LDLRAD4: variants seen among roughly 807,000 people sequenced by gnomAD.
LDLRAD4 encodes the protein low density lipoprotein receptor class A domain containing 4, also known as low-density lipoprotein receptor class A domain-containing protein 4.
LDLRAD4 carries 5 observed loss-of-function variants against 17.0 expected under a neutral mutation model. That is an observed-to-expected ratio of 0.29 (90% CI 0.15 to 0.62). The LOEUF (loss-of-function observed/expected upper bound fraction) is 0.62, where lower values mean the gene tolerates loss of function less well. Among genes scored for constraint, LDLRAD4 ranks in the 20% least tolerant of loss-of-function variants. The probability of loss-of-function intolerance (pLI) is 0.84; values close to 1 mark genes in which losing one functional copy is unlikely to be tolerated. For missense variants in LDLRAD4, 340 were observed against 424.7 expected, an observed-to-expected ratio of 0.80 and a Z score of 1.75; for synonymous variants, 168 against 171.8, an observed-to-expected ratio of 0.98 and a Z score of 0.17.
intron 2 of LDLRAD4, among the ~76,000 whole-genome samples, chr18:13,391,392 C>T (rs868066995): frequency 1.3e-5 from 2 of 152,072 alleles, no homozygotes; most frequent in African/African-American, 4.8e-5. Context: ...TTGGAAGGCC[C>T]CTGTCCCCAT....
intron 1 of LDLRAD4, among the ~76,000 whole-genome samples, chr18:13,234,474 C>G (rs369349159): frequency 1.4e-4 from 21 of 148,866 alleles, no homozygotes; most frequent in African/African-American, 5.2e-4. Context: ...GTTGAATAAA[C>G]AGATGGACTG....
At chr18:13,396,009 G>A (rs1242346246) in intron 2 of LDLRAD4, among the ~76,000 whole-genome samples, 1 of 152,142 alleles carries the variant, frequency 6.6e-6, no homozygotes, top group East Asian at 1.9e-4. Flanking sequence ...CAAGTCCCGG[G>A]TCTCTGTGTT....
intron 1 of LDLRAD4, among the ~76,000 whole-genome samples, chr18:13,290,306 A>T (rs1002314367): frequency 7.9e-5 from 12 of 152,222 alleles, no homozygotes; most frequent in African/African-American, 2.7e-4. Flanking sequence ...TTACATACCT[A>T]AAATGTTTGG....
intron 3 of LDLRAD4, among the ~76,000 whole-genome samples, chr18:13,595,935 C>A (rs1220573975): frequency 3.3e-5 from 5 of 152,116 alleles, no homozygotes; most frequent in African/African-American, 1.2e-4. Flanking sequence ...GATCCTCTGC[C>A]TTGTTGTTTT....
chr18:13,281,125 A>G (rs926036951), intron 1 of LDLRAD4, among the ~76,000 whole-genome samples: 1 of 152,212 alleles, frequency 6.6e-6, no homozygotes, highest in African/African-American at 2.4e-5. Flanking sequence ...AAACAAAAAG[A>G]ATTGGAATCC....
intron 3 of LDLRAD4, among the ~76,000 whole-genome samples, chr18:13,616,622 C>A (rs545118081): frequency 6.6e-6 from 1 of 152,296 alleles, no homozygotes; most frequent in Admixed American, 6.5e-5. Context: ...CACCGGCCAC[C>A]GTCACCTGCA....
intron 3 of LDLRAD4, chr18:13,543,419 T>G (rs1341472387): frequency 6.6e-6 from 1 of 152,160 alleles, no homozygotes; most frequent in Non-Finnish European, 1.5e-5. Flanking sequence ...CCTGGTGCTG[T>G]TGACTTTTGT....
At chr18:13,240,422 C>G (rs2042573476) in intron 1 of LDLRAD4, 1 of 152,340 alleles carries the variant, frequency 6.6e-6, no homozygotes, top group South Asian at 2.1e-4. Context: ...TTGCCTCTCA[C>G]ATGGCCATCC....
At chr18:13,568,117 A>C (rs2094632396) in intron 3 of LDLRAD4, among the ~76,000 whole-genome samples, 2 of 152,262 alleles carry the variant, frequency 1.3e-5, no homozygotes, top group South Asian at 4.2e-4. Flanking sequence ...CAACATGGCG[A>C]AACCTGTCTC....
At position 13,263,102 on chromosome 18, in the gene LDLRAD4, G is replaced by A. The variant is rs117239838; in HGVS notation, c.-466-15003G>A. On this transcript the variant is annotated intron_variant, in intron 1 of 5. Transcript: ENST00000399848. ...CCGAGTCCCACGCTGCTCTGTTTGC[G>A]TGGAAACTGAGTCCTGTGCGGCTCT... Among the ~76,000 whole-genome samples the A allele has an allele frequency of 1.3e-3, 193 of 148,302 alleles. 2 individuals carry two copies. In the East Asian group the frequency reaches 0.032, roughly 25 times the overall value.
At chr18:13,477,995 C>A (rs2092988821) in intron 3 of LDLRAD4, among the ~76,000 whole-genome samples, 1 of 152,234 alleles carries the variant, frequency 6.6e-6, no homozygotes, top group African/African-American at 2.4e-5. Flanking sequence ...TCTGCTCCCA[C>A]TGACTCCTTC....
chr18:13,531,326 C>T (rs2094123218), intron 3 of LDLRAD4, among the ~76,000 whole-genome samples: 1 of 151,980 alleles, frequency 6.6e-6, no homozygotes, highest in Non-Finnish European at 1.5e-5. Flanking sequence ...TGGCCGTGCG[C>T]ACTGTGTGAT....
At chr18:13,392,460 C>T (rs1365900696) in intron 2 of LDLRAD4, among the ~76,000 whole-genome samples, 1 of 152,250 alleles carries the variant, frequency 6.6e-6, no homozygotes, top group Admixed American at 6.5e-5. Context: ...AGATAAGACT[C>T]TGGCTGTCCT....
At chr18:13,437,567 G>A (rs943789026) in intron 2 of LDLRAD4, among the ~76,000 whole-genome samples, 2 of 152,200 alleles carry the variant, frequency 1.3e-5, no homozygotes. Context: ...GGCCTATAAG[G>A]ATTTGGGTAT....
chr18:13,610,835 C>A lies in LDLRAD4; in HGVS notation c.182-10282C>A, dbSNP rs188658247. On this transcript the variant is annotated intron_variant, in intron 3 of 5. Transcript: ENST00000359446. ...CTGAGGGTGACTCCCTCTTCATTCA[C>A]CCAGCAGGGTGACTCTGAGAAGTCA... is the stretch of plus-strand genomic sequence containing the variant. Among the ~76,000 whole-genome samples, 544 of 152,240 alleles carry A rather than the reference C, an allele frequency of 3.6e-3. 2 individuals are homozygous for A. Among genetic ancestry groups the A allele is most frequent in the African/African-American group, 0.012 (514 of 41,534 alleles).
intron 4 of LDLRAD4, among the ~76,000 whole-genome samples, chr18:13,637,510 G>A (rs2042176435): frequency 6.6e-6 from 1 of 151,908 alleles, no homozygotes; most frequent in Non-Finnish European, 1.5e-5. Flanking sequence ...TTGGAATACT[G>A]TTTAAAAAAA....
At chr18:13,574,409 G>C (rs2094737882) in intron 3 of LDLRAD4, among the ~76,000 whole-genome samples, 1 of 152,154 alleles carries the variant, frequency 6.6e-6, no homozygotes, top group Non-Finnish European at 1.5e-5. Flanking sequence ...TCCCTGTCAT[G>C]TGGTAGTTCA....
At chr18:13,361,697 C>T (rs766291835) in intron 1 of LDLRAD4, among the ~76,000 whole-genome samples, 4 of 152,058 alleles carry the variant, frequency 2.6e-5, no homozygotes, top group East Asian at 1.9e-4. Context: ...GAGGTGAGGC[C>T]GTGCTGACAG....
intron 3 of LDLRAD4, among the ~76,000 whole-genome samples, chr18:13,527,254 A>G (rs1351863832): frequency 6.6e-6 from 1 of 152,276 alleles, no homozygotes; most frequent in African/African-American, 2.4e-5. Context: ...CAACCGTCAC[A>G]GATCAGCCTT....
Sources: gnomAD v4.1 joint callset for allele counts (sites outside exome capture counted in the v4.1 genomes callset) on GRCh38, gnomAD v4.1.1 for gene constraint, MANE v1.5 for transcripts, NCBI Gene and HGNC (gene_info 2026-07-23, HGNC 2026-07-21) for gene names.